The following TNC variants were observed in gnomAD, a reference collection of about 807,000 sequenced individuals.
TNC encodes tenascin C.
TNC carries 109 observed loss-of-function variants against 202.4 expected under a neutral mutation model. That is an observed-to-expected ratio of 0.54 (90% CI 0.46 to 0.63). The LOEUF is 0.63. Ranked by LOEUF, TNC falls within the 30% of genes least tolerant of loss-of-function variation. The probability of loss-of-function intolerance (pLI) is 0.00; values close to 1 mark genes in which losing one functional copy is unlikely to be tolerated. For missense variants in TNC, 2,756 were observed against 2,833.3 expected (o/e 0.97, Z 0.62); for synonymous variants, 1,007 against 1,089.7 (o/e 0.92, Z 1.50).
At chr9:115,023,776 G>T (rs1829266333) in intron 27 of TNC, among the ~76,000 whole-genome samples, 197 bp downstream of exon 27, 1 of 152,202 alleles carries the variant, frequency 6.6e-6, no homozygotes, top group Non-Finnish European at 1.5e-5. Flanking sequence ...ACTGTCAAGG[G>T]TTAACCTGTG....
rs545159090 is a variant in TNC at position 115,116,331 on chromosome 9, G to A, written c.-137+1651C>T. 7.9e-5 allele frequency among the ~76,000 whole-genome samples: 12 copies of A among 152,332 alleles called. 1 individual carries two copies. In the South Asian group the frequency reaches 2.3e-3, roughly 29 times the overall value. The stretch of plus-strand genomic sequence containing the variant: ...GCAAACCAGAGAATACTCATATTGT[G>A]CACCTTTTTCTTCCCCACAAAGCAG... On this transcript the variant is annotated intron_variant, in intron 1 of 27. Coordinates refer to ENST00000350763, the MANE Select transcript of TNC (RefSeq NM_002160.4).
At chr9:115,037,369 C>A (rs1159999023) in intron 20 of TNC, among the ~76,000 whole-genome samples, 1 of 152,114 alleles carries the variant, frequency 6.6e-6, no homozygotes, top group Non-Finnish European at 1.5e-5. Context: ...CATTGAAAAG[C>A]ACTCTCTCTT....
chr9:115,060,812 T>G lies in TNC; in HGVS notation c.4034-810A>C, dbSNP rs190629984. On this transcript the variant is annotated intron_variant, in intron 13 of 27. Transcript: ENST00000350763. ...GTTGTGTACTGGGTTCTCAGCTTGT[T>G]TCTTCTTCCACCTTTTTCTGCTCGT... Among the ~76,000 whole-genome samples the G allele has an allele frequency of 1.3e-3, 201 of 152,324 alleles. No individual in the cohort carries two copies. The Middle Eastern group carries it at 0.014, about 10-fold the overall frequency.
At chr9:115,022,760 A>T (rs1319121059) in intron 27 of TNC, among the ~76,000 whole-genome samples, 1 of 152,138 alleles carries the variant, frequency 6.6e-6, no homozygotes, top group Non-Finnish European at 1.5e-5. Context: ...AGGCATGAAA[A>T]ACCACATCCT....
In TNC at chr9:115,059,965, C is replaced by T. The variant is rs751377661; in HGVS notation, c.4071G>A (p.Glu1357=). 2.5e-6 allele frequency: 4 copies of T among 1,613,988 alleles called. No individual in the cohort carries two copies. In the Admixed American group the frequency reaches 5.0e-5, roughly 20 times the overall value. Residue 1357 remains glutamate (E), a synonymous_variant, in exon 14 of 28, where the codon GAG becomes GAA. Coordinates refer to ENST00000350763, the MANE Select transcript of TNC (RefSeq NM_002160.4). The stretch of plus-strand genomic sequence containing the variant: ...TGAGTCTGAGGCCATCCCAGCCAAC[C>T]TCAGACACGGCTAAATCTCCCAGCT... ...LPQLGDLAVS[E]VGWDGLRLNW... is the part of the protein sequence containing the mutation.
intron 24 of TNC, 119 bp from the exon 25 acceptor site, chr9:115,029,575 T>A: frequency 2.0e-6 from 2 of 981,146 alleles, no homozygotes; most frequent in Non-Finnish European, 3.1e-6. Flanking sequence ...TGTCCATCCC[T>A]AATTTGCTAT....
chr9:115,023,658 TA>T (rs890397225), intron 27 of TNC, among the ~76,000 whole-genome samples: 1 of 152,222 alleles, frequency 6.6e-6, no homozygotes, highest in Non-Finnish European at 1.5e-5. Flanking sequence ...CTGCTTCACC[TA>T]AATGGCCTCC....
intron 1 of TNC, among the ~76,000 whole-genome samples, chr9:115,095,093 C>T (rs1835538297): frequency 6.6e-6 from 1 of 152,054 alleles, no homozygotes; most frequent in African/African-American, 2.4e-5. Context: ...TGTTTGATCA[C>T]TTCCTGTTCC....
Position 115,051,591 on chromosome 9 carries a change from GA to G in TNC, c.4580-3060del, listed in dbSNP as rs1160749385. On this transcript the variant is annotated intron_variant, in intron 15 of 27. Coordinates refer to ENST00000350763, the MANE Select transcript of TNC (RefSeq NM_002160.4). ...AAATGCATTTTTTTTTTAATCAAAA[GA>G]AAAAAAGGAGACAGGAATTTCAAAT... Among the ~76,000 whole-genome samples, 16 of 136,562 alleles carry G rather than the reference GA, an allele frequency of 1.2e-4. 1 individual carries two copies. The highest frequency in any genetic ancestry group is 7.9e-5 in the Admixed American group (1 of 12,704). 89.6% of individuals were successfully genotyped at this position (136,562 alleles called of 152,430 possible). A position where few individuals can be genotyped will look rare whatever the true frequency, so the allele number is the denominator to read the frequency against.
intron 1 of TNC, among the ~76,000 whole-genome samples, chr9:115,100,840 A>G (rs1290608548): frequency 1.3e-5 from 2 of 152,296 alleles, no homozygotes; most frequent in East Asian, 1.9e-4. Flanking sequence ...CACGTTGTAT[A>G]CCTTAAATGT....
In TNC at chr9:115,059,818, G is replaced by T; in HGVS notation, c.4218C>A (p.Gly1406=). ...PGSLRAVDIP[G]LEAATPYRVS... ...CTCTATAAGGCGTGGCAGCCTCGAG[G>T]CCCGGGATGTCCACAGCCCTGAGGC... is the stretch of plus-strand genomic sequence containing the variant. Residue 1406 remains glycine, a synonymous_variant, in exon 14 of 28, where the codon GGC becomes GGA. Transcript: ENST00000350763. 6.2e-7 allele frequency: 1 copy of T among 1,614,102 alleles called. No homozygotes were observed.
Position 115,063,146 on chromosome 9 carries a change from G to A in TNC, c.3804C>T (p.Ser1268=). ...DMGNLTVTEV[S]WDALRLNWTT... ...TCCAGTTCAGTCTGAGAGCATCCCA[G>A]CTAACCTCGGTCACTGTGAGGTTTC... Residue 1268 remains serine (S), a synonymous_variant, in exon 13 of 28, where the codon AGC becomes AGT. Coordinates refer to ENST00000350763, the MANE Select transcript of TNC (RefSeq NM_002160.4). 3 of 1,614,172 alleles carry A rather than the reference G, an allele frequency of 1.9e-6. No homozygotes were observed. Among genetic ancestry groups the A allele is most frequent in the Non-Finnish European group, 2.5e-6 (3 of 1,180,014 alleles).
At chr9:115,063,645 G>T in intron 12 of TNC, 151 bp downstream of exon 12, 1 of 874,220 alleles carries the variant, frequency 1.1e-6, no homozygotes, top group East Asian at 2.6e-5. Context: ...GCCAAATAAG[G>T]GATGTGACAT....
At chr9:115,033,820 G>A (rs1830122827) in intron 22 of TNC, among the ~76,000 whole-genome samples, 1 of 152,222 alleles carries the variant, frequency 6.6e-6, no homozygotes, top group South Asian at 2.1e-4. Context: ...CAGAAACTTG[G>A]TAGATAGAAA....
intron 4 of TNC, among the ~76,000 whole-genome samples, chr9:115,083,984 G>A (rs1174725495): frequency 6.6e-6 from 1 of 152,196 alleles, no homozygotes; most frequent in East Asian, 1.9e-4. Context: ...AATGTTACTT[G>A]TAATGATTTT....
chr9:115,065,920 AAAAAG>A (rs1399621874), intron 10 of TNC, among the ~76,000 whole-genome samples: 3 of 151,670 alleles, frequency 2.0e-5, no homozygotes, highest in Non-Finnish European at 4.4e-5. Context: ...AAAAAAAAAA[AAAAAG>A]CCTCTTCTTT....
rs924147080 is a variant in TNC at position 115,023,886 on chromosome 9, G to C, written c.6495+87C>G. 5 of 1,437,718 alleles carry C rather than the reference G, an allele frequency of 3.5e-6. No homozygotes were observed. In the Admixed American group the frequency reaches 5.6e-5, roughly 16 times the overall value. The allele number at this position is 1,437,718 out of a possible 1,614,324, so 89.1% of individuals were successfully genotyped here. A position where few individuals can be genotyped will look rare whatever the true frequency, so the allele number is the denominator to read the frequency against. On this transcript the variant is annotated intron_variant, in intron 27 of 27. Coordinates refer to ENST00000350763, the MANE Select transcript of TNC (RefSeq NM_002160.4). Reference sequence around the variant, plus strand: ...GTAAGGTTCCTGCCTCCTAGTCTCTGCTAGGATAGGGAGTTAAATTGTACT... The same window carrying C: ...GTAAGGTTCCTGCCTCCTAGTCTCTCCTAGGATAGGGAGTTAAATTGTACT...
chr9:115,083,445 G>T (rs1388470534), intron 4 of TNC, among the ~76,000 whole-genome samples: 1 of 152,098 alleles, frequency 6.6e-6, no homozygotes, highest in Non-Finnish European at 1.5e-5. Flanking sequence ...ACATAAACCT[G>T]CCAGGACTGC....
chr9:115,086,450 C>G lies in TNC; in HGVS notation c.1281G>C (p.Glu427Asp). The G allele has an allele frequency of 1.2e-6, 2 of 1,613,224 alleles. No individual in the cohort carries two copies. The highest frequency in any genetic ancestry group is 1.7e-6 in the Non-Finnish European group (2 of 1,179,792). ...RCVNGQCVCD[E>D]GYTGEDCSQL... ...GGCTGCAGTCCTCCCCAGTATAGCC[C>G]TCATCACACACACACTGCCCATTGA... Residue 427 changes from glutamate to aspartate, a missense_variant, in exon 3 of 28, where the codon GAG becomes GAC. Transcript: ENST00000350763.
Sources: gnomAD v4.1 joint callset for allele counts (sites outside exome capture counted in the v4.1 genomes callset) on GRCh38, gnomAD v4.1.1 for gene constraint, MANE v1.5 for transcripts, NCBI Gene and HGNC (gene_info 2026-07-23, HGNC 2026-07-21) for gene names.